The following PCNT variants were observed in gnomAD, a reference collection of about 807,000 sequenced individuals.
PCNT encodes the protein kendrin.
Under a neutral mutation model 380.4 loss-of-function variants are expected in PCNT, and 319 were observed. The ratio of observed to expected loss-of-function variants is 0.84; its 90% confidence interval spans 0.77 to 0.92. The LOEUF (loss-of-function observed/expected upper bound fraction) is 0.92. Among genes scored for constraint, PCNT ranks in the 40% least tolerant of loss-of-function variants. PCNT has a pLI of 0.00. For missense variants in PCNT, 4,400 were observed against 4,255.3 expected, an observed-to-expected ratio of 1.03 and a Z score of -0.95; for synonymous variants, 1,845 against 1,735.2, an observed-to-expected ratio of 1.06 and a Z score of -1.57.
In PCNT at chr21:46,408,502, G is replaced by A. The variant is rs77646015; in HGVS notation, c.5116-2687G>A. Among the ~76,000 whole-genome samples the A allele has an allele frequency of 4.9e-3, 746 of 152,238 alleles. 12 individuals are homozygous for A. Among genetic ancestry groups the A allele is most frequent in the East Asian group, 0.041 (210 of 5,174 alleles). On this transcript the variant is annotated intron_variant, in intron 27 of 46. Transcript: ENST00000359568. ...AACTGTTTTCTATAGTTGCACTACCGTTTTACATTCCACCAGCAATAGATG... is the reference window on the plus strand; with the variant it reads ...AACTGTTTTCTATAGTTGCACTACCATTTTACATTCCACCAGCAATAGATG...
At chr21:46,401,750 C>G in intron 26 of PCNT, 29 bp downstream of exon 26, 1 of 1,612,458 alleles carries the variant, frequency 6.2e-7, no homozygotes, top group Non-Finnish European at 8.5e-7. Context: ...CATGGGACTG[C>G]CAGCCCTGGG....
At position 46,442,676 on chromosome 21, in the gene PCNT, T is replaced by C. The variant is rs2053640566; in HGVS notation, c.9700+103T>C. ...TTTTTCAGTGTTGATGGGGACGTAA[T>C]AAAGCACGGTAAGAAAATCCGTGAA... On this transcript the variant is annotated intron_variant, in intron 44 of 46. Transcript: ENST00000359568. 3 of 781,786 alleles carry C rather than the reference T, an allele frequency of 3.8e-6. No individual in the cohort carries two copies. The African/African-American group carries it at 5.1e-5, about 13-fold the overall frequency. The allele number at this position is 781,786 out of a possible 1,614,324, so 48.4% of individuals were successfully genotyped here.
chr21:46,408,219 G>A (rs963980534), intron 27 of PCNT, among the ~76,000 whole-genome samples: 15 of 152,146 alleles, frequency 9.9e-5, no homozygotes, highest in African/African-American at 3.6e-4. Flanking sequence ...GGAAATTGAT[G>A]CATGCTGTCG....
At chr21:46,410,144 C>T (rs542814992) in intron 27 of PCNT, among the ~76,000 whole-genome samples, 8 of 152,320 alleles carry the variant, frequency 5.3e-5, no homozygotes, top group Admixed American at 2.0e-4. Context: ...AGGCACGCGA[C>T]GGGGAGCAGA....
intron 15 of PCNT, among the ~76,000 whole-genome samples, chr21:46,379,570 T>C (rs1435884524): frequency 6.6e-6 from 1 of 152,188 alleles, no homozygotes; most frequent in Non-Finnish European, 1.5e-5. Flanking sequence ...TGCCCTTTTC[T>C]CTCCCTCTGT....
In PCNT at chr21:46,445,502, G is replaced by A. The variant is rs1367134602; in HGVS notation, c.*175G>A. The A allele has an allele frequency of 1.1e-5, 7 of 660,050 alleles. No individual in the cohort carries two copies. In the Admixed American group the frequency reaches 1.5e-4, roughly 14 times the overall value. 40.9% of individuals were successfully genotyped at this position (660,050 alleles called of 1,614,324 possible). Reference sequence around the variant, plus strand: ...ACCTTTATGCATGACTGCAAAGCCAGCTGGAGCATTTTCTATGGAGCCTCC... The same window carrying A: ...ACCTTTATGCATGACTGCAAAGCCAACTGGAGCATTTTCTATGGAGCCTCC... On this transcript the variant is annotated 3_prime_UTR_variant, in exon 47 of 47. Coordinates refer to ENST00000359568, the MANE Select transcript of PCNT (RefSeq NM_006031.6).
intron 29 of PCNT, among the ~76,000 whole-genome samples, chr21:46,415,480 G>T (rs994446913): frequency 1.5e-4 from 23 of 150,278 alleles, no homozygotes; most frequent in African/African-American, 5.4e-4. Context: ...CCACCTCCTG[G>T]GTTCAAGCAA....
intron 2 of PCNT, among the ~76,000 whole-genome samples, chr21:46,331,715 A>C (rs914915591): frequency 6.6e-6 from 1 of 152,096 alleles, no homozygotes; most frequent in African/African-American, 2.4e-5. Flanking sequence ...ACAGTGAGCT[A>C]TGGTGGCACC....
At chr21:46,410,608 G>A (rs1305793642) in intron 27 of PCNT, among the ~76,000 whole-genome samples, 1 of 152,164 alleles carries the variant, frequency 6.6e-6, no homozygotes, top group Non-Finnish European at 1.5e-5. Flanking sequence ...CTTTAAAGTG[G>A]AAACAATCGT....
intron 11 of PCNT, 50 bp from the exon 12 acceptor site, chr21:46,355,402 C>T (rs536617614): frequency 1.1e-5 from 18 of 1,579,912 alleles, no homozygotes; most frequent in African/African-American, 8.1e-5. Flanking sequence ...TAGCTGCGAG[C>T]GAGGTAGCTT....
rs1233164257 is a variant in PCNT, at chr21:46,443,902, A to G, written c.9793A>G (p.Arg3265Gly). The G allele has an allele frequency of 1.2e-6, 2 of 1,612,702 alleles. No individual in the cohort carries two copies. Among genetic ancestry groups the G allele is most frequent in the Non-Finnish European group, 1.7e-6 (2 of 1,180,018 alleles). Residue 3265 changes from arginine to glycine, a missense_variant, in exon 45 of 47, where the codon AGA becomes GGA. Arg to Gly is a moderately radical substitution (Grantham distance 125). Coordinates refer to ENST00000359568, the MANE Select transcript of PCNT (RefSeq NM_006031.6). ...CTCTGGCCACACCAGGGACCCTGCC[A>G]GAGGCCGCAGACTGGCAGCAGCAGC... Reference protein sequence around the residue: ...VPSGHTRDPARGRRLAAAASP... With the variant: ...VPSGHTRDPAGGRRLAAAASP...
chr21:46,405,767 C>G (rs1228511330), intron 27 of PCNT, among the ~76,000 whole-genome samples: 1 of 152,086 alleles, frequency 6.6e-6, no homozygotes, highest in African/African-American at 2.4e-5. Context: ...CTATAGTGCT[C>G]TAGAACTTGA....
At position 46,435,207 on chromosome 21, in the gene PCNT, AGTT is replaced by A. The variant is rs556644659; in HGVS notation, c.8752-690_8752-688del. Among the ~76,000 whole-genome samples, 71 of 151,622 alleles carry A rather than the reference AGTT, an allele frequency of 4.7e-4. 1 individual carries two copies. In the South Asian group the frequency reaches 0.011, roughly 25 times the overall value. ...TGTGTGTTTTGGGCTTTTGCTTGGC[AGTT>A]GTTGTTTTTTTTGTTTTGGTTTGGT... On this transcript the variant is annotated intron_variant, in intron 38 of 46. Coordinates refer to ENST00000359568, the MANE Select transcript of PCNT (RefSeq NM_006031.6).
At chr21:46,426,113 C>A in intron 33 of PCNT, 142 bp downstream of exon 33, 1 of 763,596 alleles carries the variant, frequency 1.3e-6, no homozygotes, top group Non-Finnish European at 1.9e-6. Context: ...CGGCTCACTG[C>A]AACCTCCACC....
intron 27 of PCNT, among the ~76,000 whole-genome samples, chr21:46,405,707 A>T (rs2086602111): frequency 6.6e-6 from 1 of 152,240 alleles, no homozygotes; most frequent in African/African-American, 2.4e-5. Flanking sequence ...AAAAAAAAGA[A>T]TGCCTTTAAA....
intron 23 of PCNT, 37 bp from the exon 24 acceptor site, chr21:46,398,193 CTTTCT>C: frequency 6.2e-7 from 1 of 1,607,612 alleles, no homozygotes; most frequent in South Asian, 1.1e-5. Flanking sequence ...TAAGCTTTAA[CTTTCT>C]TTAAATTTTT....
intron 29 of PCNT, among the ~76,000 whole-genome samples, chr21:46,414,515 A>C (rs1602020236): frequency 3.5e-5 from 3 of 84,894 alleles, no homozygotes; most frequent in African/African-American, 4.9e-5. Context: ...CTCGACACAC[A>C]ACCACCCACC....
chr21:46,439,928 G>A (rs2053562659), intron 41 of PCNT, among the ~76,000 whole-genome samples, 155 bp from the exon 42 acceptor site: 2 of 152,202 alleles, frequency 1.3e-5, no homozygotes, highest in South Asian at 4.1e-4. Context: ...AGGCCCTGCT[G>A]AGGGGGTGCT....
chr21:46,384,207 G>A lies in PCNT; in HGVS notation c.3313-1625G>A, dbSNP rs1258137996. Reference sequence around the variant, plus strand: ...TCACGGTGTTGTGCGTTCAGTGGCAGAAGCGCATTCACGGTGTTGTGCGTT... The same window carrying A: ...TCACGGTGTTGTGCGTTCAGTGGCAAAAGCGCATTCACGGTGTTGTGCGTT... On this transcript the variant is annotated intron_variant, in intron 16 of 46. Coordinates refer to ENST00000359568, the MANE Select transcript of PCNT (RefSeq NM_006031.6). Among the ~76,000 whole-genome samples the A allele has an allele frequency of 4.1e-5, 6 of 147,460 alleles. 1 individual carries two copies. Among genetic ancestry groups the A allele is most frequent in the Non-Finnish European group, 9.0e-5 (6 of 66,586 alleles).
Sources: gnomAD v4.1 joint callset for allele counts (sites outside exome capture counted in the v4.1 genomes callset) on GRCh38, gnomAD v4.1.1 for gene constraint, MANE v1.5 for transcripts, NCBI Gene and HGNC (gene_info 2026-07-23, HGNC 2026-07-21) for gene names.